TFAP2D: variants seen among roughly 807,000 people sequenced by gnomAD.
TFAP2D encodes the protein transcription factor AP-2-delta.
In TFAP2D, 9 loss-of-function variants were observed where a neutral mutation model predicts 43.6. The observed-to-expected ratio is 0.21, with a 90% confidence interval of 0.12 to 0.36. The LOEUF is 0.36. Ranked by LOEUF, TFAP2D falls within the 10% of genes least tolerant of loss-of-function variation. The pLI, the probability that TFAP2D is intolerant of heterozygous loss-of-function variation, is 1.00. For missense variants in TFAP2D, 513 were observed against 561.4 expected, an observed-to-expected ratio of 0.91 and a Z score of 0.87; for synonymous variants, 256 against 224.9, an observed-to-expected ratio of 1.14 and a Z score of -1.24.
chr6:50,716,053 A>G (rs1417060811), intron 2 of TFAP2D, among the ~76,000 whole-genome samples: 1 of 152,114 alleles, frequency 6.6e-6, no homozygotes, highest in East Asian at 1.9e-4. Context: ...TCCGCACTTT[A>G]CAGGGTCTTC....
At position 50,715,502 on chromosome 6, in the gene TFAP2D, C is replaced by T. The variant is rs1346380369; in HGVS notation, c.426C>T (p.Arg142=). The T allele has an allele frequency of 1.9e-6, 3 of 1,613,552 alleles. No individual in the cohort carries two copies. Among genetic ancestry groups the T allele is most frequent in the Non-Finnish European group, 8.5e-7 (1 of 1,180,046 alleles). Residue 142 remains arginine, a synonymous_variant, in exon 2 of 8, where the codon CGC becomes CGT. Coordinates refer to ENST00000008391, the MANE Select transcript of TFAP2D (RefSeq NM_172238.4). ...TGGGCTGCCTCGATGCCTACCGCCG[C>T]CATGACCTGTCCCTCATGAGCCATG... ...RELGCLDAYR[R]HDLSLMSHGS...
At chr6:50,731,648 C>T (rs113757176) in intron 5 of TFAP2D, among the ~76,000 whole-genome samples, 61 of 152,144 alleles carry the variant, frequency 4.0e-4, no homozygotes, top group Middle Eastern at 3.4e-3. Context: ...ATGAGGAGAA[C>T]ATAATCTTTG....
intron 3 of TFAP2D, among the ~76,000 whole-genome samples, chr6:50,721,555 A>G (rs1485844344): frequency 6.6e-6 from 1 of 152,204 alleles, no homozygotes; most frequent in Admixed American, 6.5e-5. Flanking sequence ...ACAAAACCCT[A>G]AAGAAGCCTA....
At chr6:50,733,642 C>T (rs546465662) in intron 5 of TFAP2D, among the ~76,000 whole-genome samples, 60 of 152,160 alleles carry the variant, frequency 3.9e-4, no homozygotes, top group Admixed American at 2.8e-3. Flanking sequence ...CTGTGGATGC[C>T]TCCTCCATAT....
At chr6:50,719,387 C>T (rs985882362) in intron 3 of TFAP2D, among the ~76,000 whole-genome samples, 1 of 151,302 alleles carries the variant, frequency 6.6e-6, no homozygotes, top group Non-Finnish European at 1.5e-5. Flanking sequence ...TGTTGCTCCT[C>T]ACAGAACAGT....
rs71305731 is a variant in TFAP2D, at chr6:50,714,104, CT to C, written c.39+30del. On this transcript the variant is annotated intron_variant, in intron 1 of 7. Coordinates refer to ENST00000008391, the MANE Select transcript of TFAP2D (RefSeq NM_172238.4). ...AGTCCACGATGCCGAGGTATTATTA[CT>C]TTTTTTTTTTTTTTTTTTTGAGCGC... 297,088 of 1,339,432 alleles carry C rather than the reference CT, an allele frequency of 0.22. 2,280 individuals carry two copies. The highest frequency in any genetic ancestry group is 0.23 in the African/African-American group (13,593 of 58,946). 83.0% of individuals were successfully genotyped at this position (1,339,432 alleles called of 1,614,324 possible). A position where few individuals can be genotyped will look rare whatever the true frequency, so the allele number is the denominator to read the frequency against.
intron 5 of TFAP2D, among the ~76,000 whole-genome samples, chr6:50,743,355 A>G (rs942107590): frequency 2.7e-5 from 4 of 149,472 alleles, no homozygotes; most frequent in Non-Finnish European, 5.9e-5. Context: ...AAAATAGTAT[A>G]TTTTGTTTTG....
chr6:50,741,422 C>T (rs1309736574), intron 5 of TFAP2D, among the ~76,000 whole-genome samples: 3 of 152,114 alleles, frequency 2.0e-5, no homozygotes, highest in East Asian at 3.9e-4. Context: ...TTATTTTTCC[C>T]GATCTCTCTC....
At chr6:50,721,667 T>C (rs1768726761) in intron 3 of TFAP2D, among the ~76,000 whole-genome samples, 1 of 152,238 alleles carries the variant, frequency 6.6e-6, no homozygotes, top group African/African-American at 2.4e-5. Flanking sequence ...AGTGCTGCTA[T>C]ACTGCTATAC....
chr6:50,724,913 T>C (rs1170692997), intron 3 of TFAP2D, among the ~76,000 whole-genome samples: 3 of 151,942 alleles, frequency 2.0e-5, no homozygotes, highest in Admixed American at 1.3e-4. Context: ...CCATTTCCCA[T>C]TGCACCTCCT....
At chr6:50,718,095 G>A (rs1310036383) in intron 2 of TFAP2D, 2 of 151,506 alleles carry the variant, frequency 1.3e-5, no homozygotes, top group East Asian at 1.9e-4. Flanking sequence ...TCCCATCACC[G>A]CTTTAATTTA....
intron 7 of TFAP2D, among the ~76,000 whole-genome samples, chr6:50,761,683 A>G (rs1769366460): frequency 6.6e-6 from 1 of 152,098 alleles, no homozygotes; most frequent in Non-Finnish European, 1.5e-5. Flanking sequence ...AAATCAATTA[A>G]AGTAAAGATA....
Position 50,728,994 on chromosome 6 carries a change from C to T in TFAP2D, c.737C>T (p.Ala246Val). ...CTCTCCCCACCTGAGTGCCTCAATG[C>T]TTCACTCTTGGGAGGCATTTTGAGA... Reference protein sequence around the residue: ...RRLSPPECLNASLLGGILRRA... With the variant: ...RRLSPPECLNVSLLGGILRRA... Residue 246 changes from alanine to valine, a missense_variant, in exon 4 of 8, where the codon GCT becomes GTT. Around this residue, in one of 3 missense-constraint regions of TFAP2D, gnomAD observed 311 missense variants for 316.2 expected, o/e 0.98. Transcript: ENST00000008391. 1 of 1,613,952 alleles carries T rather than the reference C, an allele frequency of 6.2e-7. No homozygotes were observed. The highest frequency in any genetic ancestry group is 8.5e-7 in the Non-Finnish European group (1 of 1,179,916).
intron 3 of TFAP2D, among the ~76,000 whole-genome samples, chr6:50,726,093 AG>A (rs945339079): frequency 2.9e-4 from 44 of 152,324 alleles, no homozygotes; most frequent in Non-Finnish European, 4.0e-4. Flanking sequence ...ATAAGCCAGA[AG>A]CCCAACCTAG....
intron 6 of TFAP2D, among the ~76,000 whole-genome samples, chr6:50,745,958 C>T (rs1034798929): frequency 7.9e-5 from 12 of 152,024 alleles, no homozygotes; most frequent in African/African-American, 2.9e-4. Context: ...GAAAGTTCGT[C>T]GATAATTAGT....
intron 2 of TFAP2D, among the ~76,000 whole-genome samples, chr6:50,716,881 G>C (rs1768636332): frequency 6.6e-6 from 1 of 152,170 alleles, no homozygotes; most frequent in Admixed American, 6.5e-5. Flanking sequence ...TTGAGCAAGA[G>C]ATTATTTTTA....
chr6:50,721,481 T>C (rs1383463229), intron 3 of TFAP2D, among the ~76,000 whole-genome samples: 1 of 152,196 alleles, frequency 6.6e-6, no homozygotes, highest in Non-Finnish European at 1.5e-5. Flanking sequence ...GGGAAGTGTA[T>C]TCCCAAAAGA....
chr6:50,769,744 G>A lies in TFAP2D; in HGVS notation c.1140-2901G>A, dbSNP rs563122499. On this transcript the variant is annotated intron_variant, in intron 7 of 7. Transcript: ENST00000008391. The stretch of plus-strand genomic sequence containing the variant: ...TCAGAGAAAAATGTACCCTCAGCCT[G>A]GGAGGAACATAAGTACAGAATATCC... Among the ~76,000 whole-genome samples the A allele has an allele frequency of 4.1e-4, 63 of 152,260 alleles. No homozygotes were observed. In the South Asian group the frequency reaches 0.013, roughly 32 times the overall value.
chr6:50,731,133 T>C (rs1217053633), intron 5 of TFAP2D, among the ~76,000 whole-genome samples: 1 of 152,078 alleles, frequency 6.6e-6, no homozygotes, highest in African/African-American at 2.4e-5. Context: ...GGATGATCTC[T>C]GGAGTCTTGC....
Sources: allele counts gnomAD v4.1 joint callset (sites outside exome capture counted in the v4.1 genomes callset), GRCh38; gene constraint gnomAD v4.1.1; regional missense constraint gnomAD v4.1.1; transcripts MANE v1.5; gene names NCBI Gene and HGNC (gene_info 2026-07-23, HGNC 2026-07-21).